Variants in ADAM12 observed in about 807,000 individuals in gnomAD.
ADAM12 encodes the protein ADAM metallopeptidase domain 12.
In ADAM12, 70 loss-of-function variants were observed where a neutral mutation model predicts 106.4. The ratio of observed to expected loss-of-function variants is 0.66; its 90% confidence interval spans 0.54 to 0.80. The LOEUF is 0.80. ADAM12 is among the 30% of genes least tolerant of loss of function. The probability of loss-of-function intolerance (pLI) is 0.00; values close to 1 mark genes in which losing one functional copy is unlikely to be tolerated. For missense variants in ADAM12, 1,010 were observed against 1,171.9 expected (o/e 0.86, Z 2.02); for synonymous variants, 420 against 433.5 (o/e 0.97, Z 0.39).
rs117357121 is a variant in ADAM12 at position 126,128,650 on chromosome 10, G to A, written c.416+6934C>T. On this transcript the variant is annotated intron_variant, in intron 5 of 22. Coordinates refer to ENST00000448723, the MANE Select transcript of ADAM12 (RefSeq NM_001288973.2). ...CATGTGAGTGTGTGGTGTGCATGTG[G>A]GAATGTGTGCAAGTGGGCGCCTGTG... Among the ~76,000 whole-genome samples the A allele has an allele frequency of 5.5e-3, 770 of 140,910 alleles. 37 individuals are homozygous for A. The East Asian group carries it at 0.13, about 24-fold the overall frequency. 92.4% of individuals were successfully genotyped at this position (140,910 alleles called of 152,430 possible).
chr10:126,148,885 A>C (rs989307442), intron 4 of ADAM12, among the ~76,000 whole-genome samples: 1 of 151,786 alleles, frequency 6.6e-6, no homozygotes, highest in African/African-American at 2.4e-5. Flanking sequence ...CTCAGGACCC[A>C]TTGTGGGGAA....
intron 2 of ADAM12, among the ~76,000 whole-genome samples, chr10:126,286,409 T>C (rs1413860327): frequency 6.6e-6 from 1 of 152,146 alleles, no homozygotes; most frequent in Non-Finnish European, 1.5e-5. Flanking sequence ...GTCATTCATC[T>C]CAACCATCAA....
chr10:126,027,830 A>T (rs1953903510), intron 21 of ADAM12, among the ~76,000 whole-genome samples: 2 of 152,178 alleles, frequency 1.3e-5, no homozygotes, highest in African/African-American at 4.8e-5. Context: ...CCTAGTCAAC[A>T]TAGTATTGGA....
Position 126,013,593 on chromosome 10 carries a change from C to T in ADAM12, c.*3686G>A, listed in dbSNP as rs1055235293. On this transcript the variant is annotated 3_prime_UTR_variant, in exon 23 of 23. Coordinates refer to ENST00000448723, the MANE Select transcript of ADAM12 (RefSeq NM_001288973.2). This position sits in a 1 kb window ranked among gnomAD's most constrained non-coding sequence, Gnocchi z 4.3. The stretch of plus-strand genomic sequence containing the variant: ...GATAGCCACACACTGCAGCAGTCAC[C>T]ACTTTGGCTGATCTAAAGTAGCAAT... 1 of 152,254 alleles carries T rather than the reference C, an allele frequency of 6.6e-6. No individual in the cohort carries two copies. The highest frequency in any genetic ancestry group is 1.5e-5 in the Non-Finnish European group (1 of 68,100). The allele number at this position is 152,254 out of a possible 1,614,324, so 9.4% of individuals were successfully genotyped here.
chr10:126,251,352 T>C (rs1417621052), intron 3 of ADAM12, among the ~76,000 whole-genome samples: 1 of 152,218 alleles, frequency 6.6e-6, no homozygotes, highest in African/African-American at 2.4e-5. Context: ...TTATTATTCT[T>C]TATTTAGATG....
intron 3 of ADAM12, among the ~76,000 whole-genome samples, chr10:126,255,215 G>A (rs1304915777): frequency 6.6e-6 from 1 of 152,198 alleles, no homozygotes; most frequent in Non-Finnish European, 1.5e-5. Context: ...GTGGTGATAA[G>A]TACAGGTTTC....
At chr10:126,084,694 C>G (rs934325958) in intron 11 of ADAM12, among the ~76,000 whole-genome samples, 1 of 152,180 alleles carries the variant, frequency 6.6e-6, no homozygotes, top group Non-Finnish European at 1.5e-5. Context: ...CCCCACTGAG[C>G]AACTGACACT....
At chr10:126,148,579 G>C (rs923735716) in intron 4 of ADAM12, among the ~76,000 whole-genome samples, 2 of 152,092 alleles carry the variant, frequency 1.3e-5, no homozygotes, top group Admixed American at 1.3e-4. Flanking sequence ...GGAACTGCTG[G>C]GTTAAAAGAA....
rs184431127 is a variant in ADAM12, at chr10:126,021,990, A to G, written c.2530-2165T>C. On this transcript the variant is annotated intron_variant, in intron 21 of 22. Coordinates refer to ENST00000448723, the MANE Select transcript of ADAM12 (RefSeq NM_001288973.2). ...GTGTCATGTAAAAATGGATGTATGC[A>G]CTCATCAAATTGAAATAATTAGCAA... Among the ~76,000 whole-genome samples the G allele has an allele frequency of 1.1e-4, 17 of 152,374 alleles. No individual in the cohort carries two copies. The East Asian group carries it at 2.7e-3, about 24-fold the overall frequency.
At chr10:126,275,650 C>T (rs1346830471) in intron 3 of ADAM12, among the ~76,000 whole-genome samples, 1 of 152,068 alleles carries the variant, frequency 6.6e-6, no homozygotes, top group Non-Finnish European at 1.5e-5. Context: ...TTTAAAGACC[C>T]AATATTCAAT....
chr10:126,217,285 C>T (rs1480102388), intron 3 of ADAM12, among the ~76,000 whole-genome samples: 1 of 151,698 alleles, frequency 6.6e-6, no homozygotes, highest in Non-Finnish European at 1.5e-5. Flanking sequence ...TAATCAGTCC[C>T]ATAGCTTTCT....
At chr10:126,098,022 C>T (rs1955588393) in intron 10 of ADAM12, among the ~76,000 whole-genome samples, 1 of 152,158 alleles carries the variant, frequency 6.6e-6, no homozygotes, top group African/African-American at 2.4e-5. Flanking sequence ...GAGACAGAAC[C>T]ATCAGAAAAC....
At chr10:126,211,553 G>C (rs1957901237) in intron 3 of ADAM12, among the ~76,000 whole-genome samples, 1 of 151,950 alleles carries the variant, frequency 6.6e-6, no homozygotes, top group African/African-American at 2.4e-5. Flanking sequence ...TGTCATCCTG[G>C]ACCCGCTAGT....
intron 2 of ADAM12, among the ~76,000 whole-genome samples, chr10:126,297,106 A>C (rs1413325610): frequency 2.0e-5 from 3 of 152,242 alleles, no homozygotes; most frequent in African/African-American, 7.2e-5. Context: ...CTCCTTAAAA[A>C]TGTGCATAGC....
At chr10:126,306,436 T>A (rs900210910) in intron 2 of ADAM12, among the ~76,000 whole-genome samples, 7 of 152,152 alleles carry the variant, frequency 4.6e-5, no homozygotes, top group African/African-American at 1.7e-4. Flanking sequence ...TTTAAAGAGT[T>A]AATAGTGTTA....
chr10:126,013,229 G>A lies in ADAM12; in HGVS notation c.*4050C>T, dbSNP rs1213662927. 6.6e-6 allele frequency: 1 copy of A among 152,154 alleles called. No homozygotes were observed. Among genetic ancestry groups the A allele is most frequent in the East Asian group, 1.9e-4 (1 of 5,198 alleles). 9.4% of individuals were successfully genotyped at this position (152,154 alleles called of 1,614,324 possible). On this transcript the variant is annotated 3_prime_UTR_variant, in exon 23 of 23. Transcript: ENST00000448723. The surrounding 1 kb of genome is among the most constrained non-coding windows in gnomAD (Gnocchi z 4.3). Reference sequence around the variant, plus strand: ...TTTTCTCTACAAAAGGAAAGAAAATGGCACATTCACATGTAGGTAAGTAGC... The same window carrying A: ...TTTTCTCTACAAAAGGAAAGAAAATAGCACATTCACATGTAGGTAAGTAGC...
At chr10:126,180,337 A>G (rs1022391866) in intron 3 of ADAM12, among the ~76,000 whole-genome samples, 3 of 152,160 alleles carry the variant, frequency 2.0e-5, no homozygotes, top group African/African-American at 7.2e-5. Flanking sequence ...TGCATTCAAG[A>G]GCTCGAGAGC....
At chr10:126,159,934 T>A (rs1476288316) in intron 3 of ADAM12, among the ~76,000 whole-genome samples, 1 of 152,152 alleles carries the variant, frequency 6.6e-6, no homozygotes, top group Non-Finnish European at 1.5e-5. Flanking sequence ...TTCTCTTGTC[T>A]AAGGAGAGTG....
At chr10:126,072,274 G>A (rs894417211) in intron 11 of ADAM12, among the ~76,000 whole-genome samples, 4 of 151,920 alleles carry the variant, frequency 2.6e-5, no homozygotes, top group Non-Finnish European at 2.9e-5. Context: ...CTAAACAACC[G>A]GGTGCCTCTA....
Sources: allele counts gnomAD v4.1 joint callset (sites outside exome capture counted in the v4.1 genomes callset), GRCh38; gene constraint gnomAD v4.1.1; non-coding constraint Gnocchi (gnomAD v3.1); transcripts MANE v1.5; gene names NCBI Gene and HGNC (gene_info 2026-07-23, HGNC 2026-07-21).